RABGAP1L: variants seen among roughly 807,000 people sequenced by gnomAD.
RABGAP1L encodes the protein RAB GTPase activating protein 1 like.
Under a neutral mutation model 137.7 loss-of-function variants are expected in RABGAP1L, and 63 were observed. That is an observed-to-expected ratio of 0.46 (90% CI 0.37 to 0.56). RABGAP1L has a LOEUF of 0.56. Among genes scored for constraint, RABGAP1L ranks in the 20% least tolerant of loss-of-function variants. RABGAP1L has a pLI of 0.00. For missense variants in RABGAP1L, 1,095 were observed against 1,244.0 expected (o/e 0.88, Z 1.80); for synonymous variants, 431 against 433.7 (o/e 0.99, Z 0.08).
chr1:174,564,857 G>A (rs997857892), intron 13 of RABGAP1L, among the ~76,000 whole-genome samples: 6 of 152,118 alleles, frequency 3.9e-5, no homozygotes, highest in African/African-American at 1.4e-4. Flanking sequence ...CCTGAATAAG[G>A]TGGGCCACCC....
chr1:174,281,574 A>G (rs1167543548), intron 10 of RABGAP1L, among the ~76,000 whole-genome samples: 1 of 152,234 alleles, frequency 6.6e-6, no homozygotes, highest in Non-Finnish European at 1.5e-5. Flanking sequence ...TAAGGGGAGT[A>G]GACATTAATT....
At chr1:174,335,509 A>C (rs973953225) in intron 11 of RABGAP1L, among the ~76,000 whole-genome samples, 1 of 152,216 alleles carries the variant, frequency 6.6e-6, no homozygotes, top group Admixed American at 6.5e-5. Context: ...AATACCAATA[A>C]TCTTAGCAGA....
intron 13 of RABGAP1L, among the ~76,000 whole-genome samples, chr1:174,405,607 A>G (rs955657850): frequency 6.6e-5 from 10 of 152,234 alleles, no homozygotes; most frequent in Non-Finnish European, 1.0e-4. Flanking sequence ...GAGGCAGGCA[A>G]GGAGAATAAA....
intron 13 of RABGAP1L, among the ~76,000 whole-genome samples, chr1:174,416,692 T>C (rs1650633846): frequency 6.6e-6 from 1 of 152,120 alleles, no homozygotes; most frequent in Non-Finnish European, 1.5e-5. Flanking sequence ...AATCTAACCA[T>C]TACTGAATTA....
intron 6 of RABGAP1L, among the ~76,000 whole-genome samples, chr1:174,250,967 A>G (rs2148594747): frequency 6.6e-6 from 1 of 152,232 alleles, no homozygotes; most frequent in South Asian, 2.1e-4. Flanking sequence ...TGCCTGGCTC[A>G]TTTTTGTATT....
At chr1:174,651,632 G>C (rs1053263043) in intron 14 of RABGAP1L, among the ~76,000 whole-genome samples, 4 of 152,074 alleles carry the variant, frequency 2.6e-5, no homozygotes, top group Non-Finnish European at 4.4e-5. Context: ...TTTAAAGTCT[G>C]TTTTATCAGA....
intron 13 of RABGAP1L, among the ~76,000 whole-genome samples, chr1:174,632,809 A>G (rs914007661): frequency 2.1e-5 from 3 of 145,960 alleles, no homozygotes; most frequent in African/African-American, 7.8e-5. Context: ...TTTTTTTCAA[A>G]GTTTTCAACT....
chr1:174,541,497 C>T (rs570777172), intron 13 of RABGAP1L, among the ~76,000 whole-genome samples: 13 of 152,032 alleles, frequency 8.6e-5, no homozygotes, highest in African/African-American at 2.4e-4. Context: ...GTTTTTAGGC[C>T]GGGTGCGGTG....
chr1:174,740,129 A>G (rs1010785217), intron 17 of RABGAP1L, among the ~76,000 whole-genome samples: 1 of 152,150 alleles, frequency 6.6e-6, no homozygotes, highest in African/African-American at 2.4e-5. Flanking sequence ...TGATTTTTTA[A>G]AATTGTGAGT....
At position 174,306,074 on chromosome 1, in the gene RABGAP1L, T is replaced by C. The variant is rs1170536088; in HGVS notation, c.1465+947T>C. ...ATGATGGTTTCCAGCTTCATCCATG[T>C]CCCTACAAAGGACATGAACTCATCA... On this transcript the variant is annotated intron_variant, in intron 11 of 25. Transcript: ENST00000681986. Among the ~76,000 whole-genome samples the C allele has an allele frequency of 2.6e-5, 4 of 152,198 alleles. No individual in the cohort carries two copies. In the East Asian group the frequency reaches 7.7e-4, roughly 29 times the overall value.
chr1:174,476,176 A>G (rs1378807835), intron 13 of RABGAP1L, among the ~76,000 whole-genome samples: 1 of 152,206 alleles, frequency 6.6e-6, no homozygotes, highest in African/African-American at 2.4e-5. Flanking sequence ...GATCTTACCT[A>G]TGACAATTTT....
At chr1:174,202,273 T>G (rs1483280852) in intron 1 of RABGAP1L, among the ~76,000 whole-genome samples, 1 of 152,146 alleles carries the variant, frequency 6.6e-6, no homozygotes, top group Non-Finnish European at 1.5e-5. Flanking sequence ...ACCAACAGTG[T>G]AAAAGTGTTC....
rs574945174 is a variant in RABGAP1L at position 174,348,914 on chromosome 1, G to A, written c.1466-22065G>A. Among the ~76,000 whole-genome samples, 552 of 152,262 alleles carry A rather than the reference G, an allele frequency of 3.6e-3. 1 individual carries two copies. The highest frequency in any genetic ancestry group is 0.011 in the African/African-American group (470 of 41,572). On this transcript the variant is annotated intron_variant, in intron 11 of 25. Coordinates refer to ENST00000681986, the MANE Select transcript of RABGAP1L (RefSeq NM_001366446.1). ...TCCCAATCCTTTCCCCGCCTTTCCC[G>A]CCTTTCTATTCCACAAAGCCGCCAT...
chr1:174,668,814 A>G (rs1275075478), intron 14 of RABGAP1L, among the ~76,000 whole-genome samples: 1 of 152,190 alleles, frequency 6.6e-6, no homozygotes. Context: ...AACAGGAGTT[A>G]GGTGATATCT....
chr1:174,487,842 C>T (rs554381247), intron 13 of RABGAP1L, among the ~76,000 whole-genome samples: 2 of 151,926 alleles, frequency 1.3e-5, no homozygotes, highest in African/African-American at 2.4e-5. Flanking sequence ...ATCTTATAAC[C>T]CATTATTTTA....
At chr1:174,794,965 T>C (rs1688136977) in intron 18 of RABGAP1L, among the ~76,000 whole-genome samples, 1 of 152,184 alleles carries the variant, frequency 6.6e-6, no homozygotes, top group Non-Finnish European at 1.5e-5. Flanking sequence ...ACAATGGAAA[T>C]CTATATGTGT....
intron 19 of RABGAP1L, among the ~76,000 whole-genome samples, chr1:174,866,599 G>A (rs1558166330): frequency 6.6e-6 from 1 of 152,008 alleles, no homozygotes; most frequent in Non-Finnish European, 1.5e-5. Flanking sequence ...CCTCATATTT[G>A]CGAATGCCTT....
intron 13 of RABGAP1L, among the ~76,000 whole-genome samples, chr1:174,488,101 T>C (rs1038802199): frequency 2.6e-5 from 4 of 152,170 alleles, no homozygotes; most frequent in African/African-American, 4.8e-5. Context: ...GGGGTTTTTT[T>C]CTGTGTATTT....
At chr1:174,238,623 G>T (rs1167296426) in intron 4 of RABGAP1L, among the ~76,000 whole-genome samples, 2 of 149,912 alleles carry the variant, frequency 1.3e-5, no homozygotes, top group East Asian at 1.9e-4. Context: ...CAGTCTGCCC[G>T]TTCTCAGATC....
Sources: gnomAD v4.1 joint callset for allele counts (sites outside exome capture counted in the v4.1 genomes callset) on GRCh38, gnomAD v4.1.1 for gene constraint, MANE v1.5 for transcripts, NCBI Gene and HGNC (gene_info 2026-07-23, HGNC 2026-07-21) for gene names.